Variants in RPS6KA2 observed in about 807,000 individuals in gnomAD.
RPS6KA2 encodes ribosomal protein S6 kinase alpha-2.
In RPS6KA2, 42 loss-of-function variants were observed where a neutral mutation model predicts 91.8. That is an observed-to-expected ratio of 0.46 (90% CI 0.36 to 0.59). The LOEUF is 0.59. Ranked by LOEUF, RPS6KA2 falls within the 20% of genes least tolerant of loss-of-function variation. The pLI is 0.00. For missense variants in RPS6KA2, 798 were observed against 978.5 expected (o/e 0.82, Z 2.46); for synonymous variants, 414 against 393.6 (o/e 1.05, Z -0.61).
chr6:166,593,598 A>G (rs1785426468), intron 1 of RPS6KA2, among the ~76,000 whole-genome samples: 1 of 152,370 alleles, frequency 6.6e-6, no homozygotes, highest in South Asian at 2.1e-4. Flanking sequence ...ATTTGGTTAC[A>G]TTAAAATTGA....
intron 8 of RPS6KA2, among the ~76,000 whole-genome samples, chr6:166,491,677 T>C (rs74817036): frequency 0.012 from 1,835 of 152,310 alleles, 18 homozygotes; most frequent in East Asian, 0.046. Flanking sequence ...CTCTGCCCTT[T>C]TAGAATTCAT....
intron 2 of RPS6KA2, among the ~76,000 whole-genome samples, chr6:166,650,695 T>C (rs1787829278): frequency 1.3e-5 from 2 of 152,236 alleles, no homozygotes; most frequent in Admixed American, 1.3e-4. Flanking sequence ...GGCATTCTGC[T>C]GGTTCAGGAA....
rs114918082 is a variant in RPS6KA2 at position 166,432,228 on chromosome 6, G to T, written c.1422+173C>A. On this transcript the variant is annotated intron_variant, in intron 15 of 20. Coordinates refer to ENST00000265678, the MANE Select transcript of RPS6KA2 (RefSeq NM_021135.6). Reference sequence around the variant, plus strand: ...TGACTGGGGCGGTGGCTGTCAAAAAGACTTGAGTACACAGTCCAGCAAGTC... The same window carrying T: ...TGACTGGGGCGGTGGCTGTCAAAAATACTTGAGTACACAGTCCAGCAAGTC... Among the ~76,000 whole-genome samples, 2,496 of 152,232 alleles carry T rather than the reference G, an allele frequency of 0.016. 68 individuals are homozygous for T. Among genetic ancestry groups the T allele is most frequent in the African/African-American group, 0.056 (2,329 of 41,534 alleles).
At chr6:166,840,350 T>A (rs1417326408) in intron 2 of RPS6KA2, among the ~76,000 whole-genome samples, 1 of 152,116 alleles carries the variant, frequency 6.6e-6, no homozygotes, top group East Asian at 1.9e-4. Flanking sequence ...CATGTGAGAG[T>A]GCGACGGCCT....
intron 6 of RPS6KA2, 36 bp downstream of exon 6, chr6:166,504,470 G>C: frequency 8.1e-7 from 1 of 1,236,488 alleles, no homozygotes; most frequent in Non-Finnish European, 1.2e-6. Flanking sequence ...GAGCTGATGG[G>C]CGTGGGGAAG....
At chr6:166,588,158 A>G (rs3799602) in intron 1 of RPS6KA2, among the ~76,000 whole-genome samples, 63,085 of 151,882 alleles carry the variant, frequency 0.42, 13,966 homozygotes, top group African/African-American at 0.55. Flanking sequence ...GCAGGAGCTC[A>G]GCTCCATCCC....
At chr6:166,680,446 C>T (rs575949481) in intron 2 of RPS6KA2, among the ~76,000 whole-genome samples, 4 of 152,304 alleles carry the variant, frequency 2.6e-5, no homozygotes, top group East Asian at 3.9e-4. Context: ...CTGCTCTGGT[C>T]CCCTTCCACG....
rs1338413982 is a variant in RPS6KA2, at chr6:166,626,831, G to C, written c.99+90C>G. 1.8e-6 allele frequency: 2 copies of C among 1,100,510 alleles called. No individual in the cohort carries two copies. The highest frequency in any genetic ancestry group is 2.4e-6 in the Non-Finnish European group (2 of 844,376). 68.2% of individuals were successfully genotyped at this position (1,100,510 alleles called of 1,614,324 possible). On this transcript the variant is annotated intron_variant, in intron 1 of 20. Coordinates refer to ENST00000265678, the MANE Select transcript of RPS6KA2 (RefSeq NM_021135.6). The surrounding 1 kb of genome is among the most constrained non-coding windows in gnomAD (Gnocchi z 4.1). The stretch of plus-strand genomic sequence containing the variant: ...TAACTTGAACTCCCTGACGGGTCTC[G>C]GGGTCCACCCAGGGGTGGCGAGGCG...
chr6:166,853,108 T>C (rs1320140119), intron 2 of RPS6KA2, among the ~76,000 whole-genome samples: 3 of 152,172 alleles, frequency 2.0e-5, no homozygotes, highest in African/African-American at 7.2e-5. Context: ...CCTATTGTTA[T>C]CAATAAACAT....
At chr6:166,656,310 G>T (rs375312706) in intron 2 of RPS6KA2, among the ~76,000 whole-genome samples, 1 of 152,216 alleles carries the variant, frequency 6.6e-6, no homozygotes, top group South Asian at 2.1e-4. Flanking sequence ...GAAGAAGAAG[G>T]GGGAGGAGAG....
At chr6:166,760,119 T>G (rs1296507481) in intron 2 of RPS6KA2, among the ~76,000 whole-genome samples, 1 of 152,234 alleles carries the variant, frequency 6.6e-6, no homozygotes, top group Non-Finnish European at 1.5e-5. Context: ...AAGGTTTCTT[T>G]TGGCTATCTG....
At chr6:166,583,747 C>T (rs561823655) in intron 1 of RPS6KA2, among the ~76,000 whole-genome samples, 2 of 152,220 alleles carry the variant, frequency 1.3e-5, no homozygotes, top group Non-Finnish European at 2.9e-5. Flanking sequence ...TCTCACTTGG[C>T]TTGTTTCAGT....
chr6:166,766,225 C>A (rs1024999082), intron 2 of RPS6KA2, among the ~76,000 whole-genome samples: 2 of 152,194 alleles, frequency 1.3e-5, no homozygotes, highest in East Asian at 3.8e-4. Context: ...ATCCATGTTA[C>A]TAAACCCAAG....
Position 166,726,225 on chromosome 6 carries a change from G to A in RPS6KA2, c.123+131975C>T, listed in dbSNP as rs1790334177. 6.6e-6 allele frequency among the ~76,000 whole-genome samples: 1 copy of A among 151,958 alleles called. No homozygotes were observed. The highest frequency in any genetic ancestry group is 1.5e-5 in the Non-Finnish European group (1 of 68,008). ...AGTCCTAGCCACGGCCATCTGATGT[G>A]GTAGAAGAATAAACTGAAAAGCAGA... is the stretch of plus-strand genomic sequence containing the variant. On this transcript the variant is annotated intron_variant, in intron 2 of 21. Coordinates refer to the RPS6KA2 transcript ENST00000503859. This position sits in a 1 kb window ranked among gnomAD's most constrained non-coding sequence, Gnocchi z 4.4.
intron 1 of RPS6KA2, among the ~76,000 whole-genome samples, chr6:166,577,558 A>T (rs968086539): frequency 6.6e-6 from 1 of 152,200 alleles, no homozygotes; most frequent in African/African-American, 2.4e-5. Flanking sequence ...TTGGACTTGC[A>T]TGGGCCCTAT....
intron 1 of RPS6KA2, among the ~76,000 whole-genome samples, chr6:166,623,647 C>T (rs1417433489): frequency 2.0e-5 from 3 of 152,174 alleles, no homozygotes; most frequent in African/African-American, 7.2e-5. Flanking sequence ...GGTTACTCTG[C>T]CCAGCAATGT....
chr6:166,670,080 C>T lies in RPS6KA2; in HGVS notation c.124-131296G>A, dbSNP rs1788428720. Among the ~76,000 whole-genome samples the T allele has an allele frequency of 3.3e-5, 5 of 152,378 alleles. No homozygotes were observed. In the South Asian group the frequency reaches 1.0e-3, roughly 32 times the overall value. On this transcript the variant is annotated intron_variant, in intron 2 of 21. Coordinates refer to the RPS6KA2 transcript ENST00000503859. ...TGCAGGCATGAGCCTCACAGAGGTG[C>T]AAATGGCAGTGCCAACACATTGAAT...
intron 1 of RPS6KA2, among the ~76,000 whole-genome samples, chr6:166,598,099 C>T (rs894996008): frequency 5.9e-5 from 9 of 152,214 alleles, no homozygotes; most frequent in African/African-American, 1.9e-4. Context: ...ATAATTGTTG[C>T]TATTATTTTC....
chr6:166,701,600 A>G, intron 2 of RPS6KA2: 1 of 1,332,246 alleles, frequency 7.5e-7, no homozygotes, highest in Non-Finnish European at 1.1e-6. Context: ...GCCGGGATAA[A>G]CAGATGAACA....
Sources: allele counts gnomAD v4.1 joint callset (sites outside exome capture counted in the v4.1 genomes callset), GRCh38; gene constraint gnomAD v4.1.1; non-coding constraint Gnocchi (gnomAD v3.1); transcripts MANE v1.5; gene names NCBI Gene and HGNC (gene_info 2026-07-23, HGNC 2026-07-21).